The following H3-3B variants were observed in gnomAD, a reference collection of about 807,000 sequenced individuals.
The protein encoded by H3-3B is H3.3 histone B, also known as histone H3.3.
H3-3B carries 2 observed loss-of-function variants against 13.1 expected under a neutral mutation model. The ratio of observed to expected loss-of-function variants is 0.15; its 90% CI spans 0.06 to 0.48. The LOEUF is 0.48. Ranked by LOEUF, H3-3B falls within the 20% of genes least tolerant of loss-of-function variation. The pLI, the probability that H3-3B is intolerant of heterozygous loss-of-function variation, is 0.97. For synonymous variants in H3-3B, 133 were observed against 75.8 expected (o/e 1.76, Z -3.92); for missense variants, 39 against 186.0 (o/e 0.21, Z 4.60).
chr17:75,778,272 G>A lies in H3-3B; in HGVS notation c.*323C>T. ...GGATCAAGTCATAACCAGTTTTATT[G>A]CAAAAGGACCCTGTACACATTTATC... On this transcript the variant is annotated 3_prime_UTR_variant, in exon 4 of 4. Coordinates refer to ENST00000254810, the MANE Select transcript of H3-3B (RefSeq NM_005324.5). The A allele has an allele frequency of 4.1e-6, 1 of 245,264 alleles. No homozygotes were observed. Among genetic ancestry groups the A allele is most frequent in the Non-Finnish European group, 8.0e-6 (1 of 124,642 alleles). 15.2% of individuals were successfully genotyped at this position (245,264 alleles called of 1,614,324 possible).
Position 75,777,284 on chromosome 17 carries a change from T to C in H3-3B, c.*1311A>G, listed in dbSNP as rs1205630112. The C allele has an allele frequency of 1.3e-5, 2 of 152,268 alleles. No homozygotes were observed. The allele number at this position is 152,268 out of a possible 1,614,324, so 9.4% of individuals were successfully genotyped here. ...GCAAATACAGCACTATTATGGCATC[T>C]TAATCAAGCAGAGAGCTGTTCACAT... On this transcript the variant is annotated 3_prime_UTR_variant, in exon 4 of 4. Coordinates refer to ENST00000254810, the MANE Select transcript of H3-3B (RefSeq NM_005324.5).
chr17:75,778,505 A>G lies in H3-3B; in HGVS notation c.*90T>C, dbSNP rs2061650110. ...AATGACTTAAGTACAAATGCAACAT[A>G]TTATAAACAATTTCTTACAAAAAAA... On this transcript the variant is annotated 3_prime_UTR_variant, in exon 4 of 4. Transcript: ENST00000254810. 5 of 1,512,460 alleles carry G rather than the reference A, an allele frequency of 3.3e-6. No homozygotes were observed. The highest frequency in any genetic ancestry group is 4.5e-6 in the Non-Finnish European group (5 of 1,117,278). The allele number at this position is 1,512,460 out of a possible 1,614,324, so 93.7% of individuals were successfully genotyped here. A position where few individuals can be genotyped will look rare whatever the true frequency, so the allele number is the denominator to read the frequency against.
chr17:75,779,176 T>C lies in H3-3B; in HGVS notation c.-2A>G, dbSNP rs1443793808. On this transcript the variant is annotated 5_prime_UTR_variant, in exon 2 of 4. Transcript: ENST00000254810. The stretch of plus-strand genomic sequence containing the variant: ...AGCAGTCTGCTTGGTTCGGGCCATT[T>C]TCTTTCACCTAAGAAAGACGCCCCG... 10 of 1,527,306 alleles carry C rather than the reference T, an allele frequency of 6.5e-6. No homozygotes were observed. The East Asian group carries it at 7.2e-5, about 11-fold the overall frequency. 94.6% of individuals were successfully genotyped at this position (1,527,306 alleles called of 1,614,324 possible). A position where few individuals can be genotyped will look rare whatever the true frequency, so the allele number is the denominator to read the frequency against.
Position 75,778,972 on chromosome 17 carries a change from A to G in H3-3B, c.129-9T>C. The G allele has an allele frequency of 6.2e-7, 1 of 1,614,042 alleles. No individual in the cohort carries two copies. The highest frequency in any genetic ancestry group is 8.5e-7 in the Non-Finnish European group (1 of 1,180,018). ...GCGCCACGGTCCCGGGCCTGCAGCGAGCAGGGGAGGAGTGAGCGGACGCTG... is the reference window on the plus strand; with the variant it reads ...GCGCCACGGTCCCGGGCCTGCAGCGGGCAGGGGAGGAGTGAGCGGACGCTG... On this transcript the variant is annotated splice_polypyrimidine_tract_variant and intron_variant, in intron 2 of 3. Transcript: ENST00000254810.
intron 1 of H3-3B, 190 bp downstream of exon 1, chr17:75,779,467 C>T (rs1414502444): frequency 7.5e-6 from 2 of 267,114 alleles, no homozygotes; most frequent in Non-Finnish European, 1.4e-5. Context: ...GTCGGGACCT[C>T]TGAATCACCG....
Position 75,779,151 on chromosome 17 carries a change from A to T in H3-3B, c.24T>A (p.Ala8=), listed in dbSNP as rs746366357. The stretch of plus-strand genomic sequence containing the variant: ...GGGCTTTCCCACCGGTGGACTTACG[A>T]GCAGTCTGCTTGGTTCGGGCCATTT... The part of the protein sequence containing the change: MARTKQT[A]RKSTGGKAPR... The change falls in exon 2 of 4, where the codon GCT becomes GCA. Residue 8 remains alanine, a synonymous_variant. Transcript: ENST00000254810. 1 of 1,585,344 alleles carries T rather than the reference A, an allele frequency of 6.3e-7. No individual in the cohort carries two copies. The highest frequency in any genetic ancestry group is 1.1e-5 in the South Asian group (1 of 88,456).
intron 1 of H3-3B, 32 bp from the exon 2 acceptor site, chr17:75,779,216 G>A (rs2061653937): frequency 2.1e-6 from 3 of 1,455,696 alleles, no homozygotes; most frequent in Admixed American, 2.6e-5. Context: ...TAAGGCCGCC[G>A]CGCTCACCCG....
At position 75,778,768 on chromosome 17, in the gene H3-3B, G is replaced by A. The variant is rs192068190; in HGVS notation, c.282+42C>T. On this transcript the variant is annotated intron_variant, in intron 3 of 3. Transcript: ENST00000254810. ...CACTATTAATCCCACTCGGGGAGCGGAAACCGCCCAGCCCTCCCCCGGCTC... is the reference window on the plus strand; with the variant it reads ...CACTATTAATCCCACTCGGGGAGCGAAAACCGCCCAGCCCTCCCCCGGCTC... The A allele has an allele frequency of 1.6e-5, 26 of 1,614,122 alleles. No homozygotes were observed. The East Asian group carries it at 5.6e-4, about 35-fold the overall frequency.
In H3-3B at chr17:75,779,777, C is replaced by G. The variant is rs530702142; in HGVS notation, c.-131G>C. The G allele has an allele frequency of 5.5e-4, 84 of 152,644 alleles. No individual in the cohort carries two copies. Among genetic ancestry groups the G allele is most frequent in the Non-Finnish European group, 1.0e-3 (68 of 68,082 alleles). 9.5% of individuals were successfully genotyped at this position (152,644 alleles called of 1,614,324 possible). A position where few individuals can be genotyped will look rare whatever the true frequency, so the allele number is the denominator to read the frequency against. On this transcript the variant is annotated 5_prime_UTR_variant, in exon 1 of 4. Coordinates refer to ENST00000254810, the MANE Select transcript of H3-3B (RefSeq NM_005324.5). ...CAACGAACGACCAAACCGCTCTGCG[C>G]TCCAAGCCCCCGCGTCGCCTCCGTT...
chr17:75,779,251 G>C (rs1046949324), intron 1 of H3-3B, 67 bp from the exon 2 acceptor site: 2 of 1,389,590 alleles, frequency 1.4e-6, no homozygotes, highest in Non-Finnish European at 9.4e-7. Context: ...GCTGCGGGGG[G>C]AGGAACAGAT....
In H3-3B at chr17:75,779,695, G is replaced by A. The variant is rs1727632162; in HGVS notation, c.-49C>T. 6.4e-6 allele frequency: 1 copy of A among 157,248 alleles called. No individual in the cohort carries two copies. The allele number at this position is 157,248 out of a possible 1,614,324, so 9.7% of individuals were successfully genotyped here. The stretch of plus-strand genomic sequence containing the variant: ...TTTAGGCCACTTCTCCGACCGCCGC[G>A]CCGCTTCCGCTGCCCGAGGAAGAGC... On this transcript the variant is annotated 5_prime_UTR_variant, in exon 1 of 4. Coordinates refer to ENST00000254810, the MANE Select transcript of H3-3B (RefSeq NM_005324.5).
chr17:75,776,457 G>C lies in H3-3B; in HGVS notation c.*2138C>G, dbSNP rs2061637659. On this transcript the variant is annotated 3_prime_UTR_variant, in exon 4 of 4. Coordinates refer to ENST00000254810, the MANE Select transcript of H3-3B (RefSeq NM_005324.5). ...TCTTAACTTCAAAAATTTTATTTTA[G>C]TCTCATCCATCAAGGGCATAGGATA... The C allele has an allele frequency of 6.6e-6, 1 of 152,106 alleles. No individual in the cohort carries two copies. Among genetic ancestry groups the C allele is most frequent in the South Asian group, 2.1e-4 (1 of 4,826 alleles). The allele number at this position is 152,106 out of a possible 1,614,324, so 9.4% of individuals were successfully genotyped here. A position where few individuals can be genotyped will look rare whatever the true frequency, so the allele number is the denominator to read the frequency against.
Position 75,778,041 on chromosome 17 carries a change from T to C in H3-3B, c.*554A>G, listed in dbSNP as rs1044909594. The C allele has an allele frequency of 6.5e-6, 1 of 152,766 alleles. No individual in the cohort carries two copies. Among genetic ancestry groups the C allele is most frequent in the African/African-American group, 2.4e-5 (1 of 41,456 alleles). 9.5% of individuals were successfully genotyped at this position (152,766 alleles called of 1,614,324 possible). A position where few individuals can be genotyped will look rare whatever the true frequency, so the allele number is the denominator to read the frequency against. ...CCACTTGTGAATGTAAAACATTTAATTTAAAAATGTTGATACTACAATATA... is the reference window on the plus strand; with the variant it reads ...CCACTTGTGAATGTAAAACATTTAACTTAAAAATGTTGATACTACAATATA... On this transcript the variant is annotated 3_prime_UTR_variant, in exon 4 of 4. Transcript: ENST00000254810.
At chr17:75,779,634 C>A in intron 1 of H3-3B, 23 bp downstream of exon 1, 1 of 156,028 alleles carries the variant, frequency 6.4e-6, no homozygotes. Flanking sequence ...CCTGAAGCCG[C>A]GGGTAAACCT....
chr17:75,776,854 A>T lies in H3-3B; in HGVS notation c.*1741T>A, dbSNP rs1382225964. ...AATCTCATTCTGAAGCACAGTGAGG[A>T]ATCAAGTGTGCTTGTTCCAGAGCTG... On this transcript the variant is annotated 3_prime_UTR_variant, in exon 4 of 4. Transcript: ENST00000254810. The T allele has an allele frequency of 1.3e-5, 2 of 152,204 alleles. No individual in the cohort carries two copies. The highest frequency in any genetic ancestry group is 4.8e-5 in the African/African-American group (2 of 41,446). The allele number at this position is 152,204 out of a possible 1,614,324, so 9.4% of individuals were successfully genotyped here.
Position 75,779,037 on chromosome 17 carries a change from C to T in H3-3B, c.128+10G>A, listed in dbSNP as rs750282970. On this transcript the variant is annotated intron_variant, in intron 2 of 3. Transcript: ENST00000254810. ...CCACCGCCGGGCCATTGTTCCCCCG[C>T]CCGACCTACCTGTAGCGATGAGGCT... 6.8e-5 allele frequency: 109 copies of T among 1,610,382 alleles called. No individual in the cohort carries two copies. The highest frequency in any genetic ancestry group is 3.3e-4 in the Middle Eastern group (2 of 6,046).
In H3-3B at chr17:75,779,182, C is replaced by T; in HGVS notation, c.-8G>A. The T allele has an allele frequency of 6.6e-7, 1 of 1,509,070 alleles. No homozygotes were observed. Among genetic ancestry groups the T allele is most frequent in the Non-Finnish European group, 8.8e-7 (1 of 1,131,444 alleles). 93.5% of individuals were successfully genotyped at this position (1,509,070 alleles called of 1,614,324 possible). On this transcript the variant is annotated splice_region_variant and 5_prime_UTR_variant, in exon 2 of 4. Coordinates refer to ENST00000254810, the MANE Select transcript of H3-3B (RefSeq NM_005324.5). ...CTGCTTGGTTCGGGCCATTTTCTTT[C>T]ACCTAAGAAAGACGCCCCGAAGATA...
chr17:75,776,561 G>A lies in H3-3B; in HGVS notation c.*2034C>T, dbSNP rs932406225. On this transcript the variant is annotated 3_prime_UTR_variant, in exon 4 of 4. Coordinates refer to ENST00000254810, the MANE Select transcript of H3-3B (RefSeq NM_005324.5). ...TACCGAGGGATATCCCATACAGGAA[G>A]CCGCCTACAACCAAAAGCTATCTTC... 2 of 152,200 alleles carry A rather than the reference G, an allele frequency of 1.3e-5. No individual in the cohort carries two copies. Among genetic ancestry groups the A allele is most frequent in the African/African-American group, 4.8e-5 (2 of 41,426 alleles). 9.4% of individuals were successfully genotyped at this position (152,200 alleles called of 1,614,324 possible). A position where few individuals can be genotyped will look rare whatever the true frequency, so the allele number is the denominator to read the frequency against.
Position 75,776,959 on chromosome 17 carries a change from A to C in H3-3B, c.*1636T>G, listed in dbSNP as rs1258826953. ...CATTATCACGACCTGAAAGATACCT[A>C]CTTTACCTTCCCTCCAAAATATCAC... On this transcript the variant is annotated 3_prime_UTR_variant, in exon 4 of 4. Transcript: ENST00000254810. The C allele has an allele frequency of 6.6e-6, 1 of 152,208 alleles. No individual in the cohort carries two copies. The highest frequency in any genetic ancestry group is 1.5e-5 in the Non-Finnish European group (1 of 68,046). The allele number at this position is 152,208 out of a possible 1,614,324, so 9.4% of individuals were successfully genotyped here.
Sources: allele counts gnomAD v4.1 joint callset, GRCh38; gene constraint gnomAD v4.1.1; transcripts MANE v1.5; gene names NCBI Gene and HGNC (gene_info 2026-07-23, HGNC 2026-07-21).